The following SYT9 variants were observed in gnomAD, a reference collection of about 807,000 sequenced individuals.
SYT9 encodes the protein synaptotagmin 9.
SYT9 carries 22 observed loss-of-function variants against 48.4 expected under a neutral mutation model. The observed-to-expected ratio is 0.45, with a 90% CI of 0.32 to 0.65. The LOEUF is 0.65. SYT9 is among the 30% of genes least tolerant of loss of function. The probability of loss-of-function intolerance (pLI) is 0.03; values close to 1 mark genes in which losing one functional copy is unlikely to be tolerated. For synonymous variants in SYT9, 265 were observed against 245.0 expected (o/e 1.08, Z -0.76); for missense variants, 577 against 622.0 (o/e 0.93, Z 0.77).
At chr11:7,379,107 A>G (rs1850508514) in intron 3 of SYT9, among the ~76,000 whole-genome samples, 1 of 152,184 alleles carries the variant, frequency 6.6e-6, no homozygotes, top group Non-Finnish European at 1.5e-5. Flanking sequence ...TCTTTTCAGA[A>G]TAGGTTCTTA....
intron 3 of SYT9, among the ~76,000 whole-genome samples, chr11:7,321,897 G>T (rs1424947566): frequency 1.3e-5 from 2 of 152,126 alleles, no homozygotes; most frequent in African/African-American, 4.8e-5. Context: ...TCATGGTGCT[G>T]GTAGGAGTGT....
At chr11:7,385,369 T>TGCGC (rs374819243) in intron 3 of SYT9, among the ~76,000 whole-genome samples, 6 of 147,896 alleles carry the variant, frequency 4.1e-5, no homozygotes, top group Admixed American at 1.4e-4. Flanking sequence ...TGTGTGTGTG[T>TGCGC]GCGTGTGTGT....
intron 3 of SYT9, among the ~76,000 whole-genome samples, chr11:7,399,961 C>T (rs1314676001): frequency 6.6e-6 from 1 of 152,138 alleles, no homozygotes; most frequent in Admixed American, 6.5e-5. Context: ...ATGATGACTG[C>T]AAGATTTTGT....
intron 3 of SYT9, among the ~76,000 whole-genome samples, chr11:7,407,402 C>G (rs1847042609): frequency 2.8e-5 from 1 of 35,866 alleles, no homozygotes; most frequent in Middle Eastern, 0.025. Flanking sequence ...GAGACGGAGT[C>G]TCGCTCTGTC....
intron 3 of SYT9, among the ~76,000 whole-genome samples, chr11:7,415,694 G>C (rs2134096339): frequency 6.6e-6 from 1 of 152,204 alleles, no homozygotes; most frequent in African/African-American, 2.4e-5. Flanking sequence ...AGTCTGTGGA[G>C]GATTTGTTAA....
chr11:7,327,945 A>G (rs1849460731), intron 3 of SYT9, among the ~76,000 whole-genome samples: 1 of 98,856 alleles, frequency 1.0e-5, no homozygotes, highest in Middle Eastern at 3.7e-3. Flanking sequence ...GGGGGGAGGG[A>G]TAGCATTGGG....
intron 3 of SYT9, among the ~76,000 whole-genome samples, chr11:7,369,794 A>AC (rs1564879645): frequency 3.5e-5 from 5 of 143,894 alleles, no homozygotes; most frequent in South Asian, 2.3e-4. Context: ...CACACACACA[A>AC]ACACACACAC....
At chr11:7,359,969 G>T (rs1850100236) in intron 3 of SYT9, among the ~76,000 whole-genome samples, 1 of 151,512 alleles carries the variant, frequency 6.6e-6, no homozygotes, top group Non-Finnish European at 1.5e-5. Flanking sequence ...TTCTTCTAGG[G>T]TTTTTATGGT....
intron 6 of SYT9, chr11:7,439,780 T>G (rs911968464): frequency 6.6e-6 from 1 of 152,138 alleles, no homozygotes; most frequent in African/African-American, 2.4e-5. Context: ...ACCCCTAATA[T>G]CTGTTGAACA....
intron 1 of SYT9, among the ~76,000 whole-genome samples, chr11:7,302,158 T>G (rs1264617636): frequency 1.3e-5 from 2 of 152,222 alleles, no homozygotes; most frequent in African/African-American, 2.4e-5. Flanking sequence ...GATGGGAATT[T>G]AATGCCCTTT....
intron 1 of SYT9, among the ~76,000 whole-genome samples, chr11:7,284,651 G>A (rs10743015): frequency 0.98 from 148,434 of 152,116 alleles, 72,520 homozygotes; most frequent in Middle Eastern, 1. Flanking sequence ...TTTCATAGCA[G>A]TGTGTCTGGG....
At chr11:7,239,414 TTTCC>T (rs1354297418) in intron 1 of SYT9, among the ~76,000 whole-genome samples, 1 of 152,152 alleles carries the variant, frequency 6.6e-6, no homozygotes, top group Non-Finnish European at 1.5e-5. Flanking sequence ...CTCTATAGAC[TTTCC>T]TTCATGTCTC....
intron 6 of SYT9, chr11:7,437,495 TTATGGATTCAA>T (rs1847733438): frequency 6.6e-6 from 1 of 152,162 alleles, no homozygotes; most frequent in Non-Finnish European, 1.5e-5. Context: ...CCACTGCCCA[TTATGGATTCAA>T]TAAACACTGT....
rs35502843 is a variant in SYT9 at position 7,367,072 on chromosome 11, C to CTTTTTTTTTTT, written c.1045-48954_1045-48944dup. 3.3e-3 allele frequency among the ~76,000 whole-genome samples: 178 copies of CTTTTTTTTTTT among 53,260 alleles called. 17 individuals are homozygous for CTTTTTTTTTTT. Among genetic ancestry groups the CTTTTTTTTTTT allele is most frequent in the Non-Finnish European group, 4.0e-3 (112 of 27,674 alleles). The allele number at this position is 53,260 out of a possible 152,430, so 34.9% of individuals were successfully genotyped here. On this transcript the variant is annotated intron_variant, in intron 3 of 6. Coordinates refer to ENST00000318881, the MANE Select transcript of SYT9 (RefSeq NM_175733.4). ...ATTACCCTTCTTTCCAGGAGACCAT[C>CTTTTTTTTTTT]TTTTTTTTTTTTTTTTTTTTTTTTT...
intron 6 of SYT9, among the ~76,000 whole-genome samples, chr11:7,436,280 G>C (rs983664004): frequency 2.0e-5 from 3 of 152,172 alleles, no homozygotes; most frequent in Non-Finnish European, 4.4e-5. Flanking sequence ...TTCCTTCCAG[G>C]CAGTAAAGAA....
intron 1 of SYT9, among the ~76,000 whole-genome samples, chr11:7,291,269 T>C (rs1359916595): frequency 2.6e-5 from 4 of 152,158 alleles, no homozygotes; most frequent in South Asian, 2.1e-4. Flanking sequence ...CAATGGTAAA[T>C]GGAACTTCCA....
At chr11:7,310,276 G>C (rs1296907823) in intron 2 of SYT9, among the ~76,000 whole-genome samples, 1 of 151,944 alleles carries the variant, frequency 6.6e-6, no homozygotes, top group Non-Finnish European at 1.5e-5. Context: ...TGGGACTACA[G>C]GTGTGTGCCA....
chr11:7,425,343 G>A (rs1847433923), intron 6 of SYT9, among the ~76,000 whole-genome samples: 1 of 152,176 alleles, frequency 6.6e-6, no homozygotes, highest in Admixed American at 6.5e-5. Context: ...TGAGGAGTGA[G>A]AGGCTTTAGC....
intron 6 of SYT9, among the ~76,000 whole-genome samples, chr11:7,426,349 A>G (rs1847458024): frequency 6.6e-6 from 1 of 152,116 alleles, no homozygotes; most frequent in Non-Finnish European, 1.5e-5. Context: ...ACCCCACATC[A>G]GCTGTTGAAG....
Sources: gnomAD v4.1 joint callset for allele counts (sites outside exome capture counted in the v4.1 genomes callset) on GRCh38, gnomAD v4.1.1 for gene constraint, MANE v1.5 for transcripts, NCBI Gene and HGNC (gene_info 2026-07-23, HGNC 2026-07-21) for gene names.